Variants in GSAP observed in about 807,000 individuals in gnomAD.
GSAP encodes gamma-secretase activating protein, also known as gamma-secretase-activating protein.
GSAP carries 118 observed loss-of-function variants against 131.7 expected under a neutral mutation model. That is an observed-to-expected ratio of 0.90 (90% CI 0.77 to 1.04). GSAP has a LOEUF of 1.04. GSAP is among the 50% of genes least tolerant of loss of function. The pLI is 0.00. For synonymous variants in GSAP, 381 were observed against 363.4 expected, an observed-to-expected ratio of 1.05 and a Z score of -0.55; for missense variants, 1,019 against 1,013.2, an observed-to-expected ratio of 1.01 and a Z score of -0.08.
chr7:77,356,067 C>G (rs1393695027), intron 14 of GSAP, among the ~76,000 whole-genome samples: 3 of 151,660 alleles, frequency 2.0e-5, no homozygotes, highest in African/African-American at 2.4e-5. Context: ...GCTGGGATTA[C>G]AGGCATGTTG....
intron 12 of GSAP, among the ~76,000 whole-genome samples, chr7:77,365,898 G>GTTTTTTTTTTTTTTTTTTTTT (rs35007328): frequency 8.7e-6 from 1 of 115,586 alleles, no homozygotes; most frequent in South Asian, 2.7e-4. Flanking sequence ...GCAACTGTGG[G>GTTTTTTTTTTTTTTTTTTTTT]TTTTTTTTTT....
At chr7:77,380,224 A>G (rs1189759522) in intron 8 of GSAP, among the ~76,000 whole-genome samples, 4 of 152,218 alleles carry the variant, frequency 2.6e-5, no homozygotes, top group Admixed American at 6.5e-5. Context: ...GACTCATCCA[A>G]TTGGAAATTT....
rs538781802 is a variant in GSAP, at chr7:77,320,181, C to T, written c.2089+544G>A. Among the ~76,000 whole-genome samples, 145 of 152,284 alleles carry T rather than the reference C, an allele frequency of 9.5e-4. 2 individuals carry two copies. In the South Asian group the frequency reaches 0.028, roughly 29 times the overall value. The stretch of plus-strand genomic sequence containing the variant: ...TCTTTGTAATTGCTCTAATTTCTAG[C>T]ACGTTACCGGTCATGTCATAGTTGC... On this transcript the variant is annotated intron_variant, in intron 26 of 30. Transcript: ENST00000257626.
intron 5 of GSAP, 25 bp downstream of exon 5, chr7:77,396,957 G>A: frequency 2.2e-6 from 3 of 1,385,796 alleles, no homozygotes; most frequent in Non-Finnish European, 3.1e-6. Flanking sequence ...CTACCCATAG[G>A]TACTAAAAAG....
chr7:77,330,446 T>G, intron 19 of GSAP, 79 bp from the exon 20 acceptor site: 2 of 1,522,002 alleles, frequency 1.3e-6, no homozygotes, highest in Admixed American at 2.1e-5. Context: ...TACACAAGCC[T>G]TATTTCCCGA....
At chr7:77,341,752 G>T (rs551694804) in intron 19 of GSAP, among the ~76,000 whole-genome samples, 1 of 152,050 alleles carries the variant, frequency 6.6e-6, no homozygotes, top group African/African-American at 2.4e-5. Flanking sequence ...ATTAGATTCC[G>T]GCCCTCAAAC....
intron 19 of GSAP, among the ~76,000 whole-genome samples, chr7:77,348,922 T>TA (rs1704788634): frequency 6.6e-6 from 1 of 151,788 alleles, no homozygotes; most frequent in Admixed American, 6.5e-5. Flanking sequence ...TTAATGGTTT[T>TA]AAGACTGGAA....
intron 19 of GSAP, among the ~76,000 whole-genome samples, chr7:77,336,953 CAACT>C (rs1237089605): frequency 6.6e-6 from 1 of 152,128 alleles, no homozygotes; most frequent in Admixed American, 6.5e-5. Context: ...CCCACATAAC[CAACT>C]AACACTGCTA....
intron 5 of GSAP, among the ~76,000 whole-genome samples, chr7:77,395,189 T>C (rs1002974015): frequency 2.0e-5 from 3 of 152,178 alleles, no homozygotes; most frequent in African/African-American, 7.2e-5. Flanking sequence ...GTAAAAAATG[T>C]AGTTACTACT....
At chr7:77,350,643 T>C (rs1792721675) in intron 18 of GSAP, among the ~76,000 whole-genome samples, 1 of 151,438 alleles carries the variant, frequency 6.6e-6, no homozygotes, top group African/African-American at 2.4e-5. Context: ...CTCAGGAGGC[T>C]GAGGCAGGAC....
chr7:77,331,717 T>A (rs1411285749), intron 19 of GSAP: 1 of 151,962 alleles, frequency 6.6e-6, no homozygotes, highest in Non-Finnish European at 1.5e-5. Context: ...CCAGCCAACA[T>A]CCCTTCTCCC....
intron 10 of GSAP, among the ~76,000 whole-genome samples, chr7:77,375,863 CA>C (rs375259005): frequency 6.7e-6 from 1 of 148,346 alleles, no homozygotes. Context: ...AAAAAACAAA[CA>C]AAAAAACAAC....
rs1363327090 is a variant in GSAP at position 77,397,008 on chromosome 7, TC to T, written c.340del (p.Glu114LysfsTer14). 16 of 1,601,392 alleles carry T rather than the reference TC, an allele frequency of 1.0e-5. No homozygotes were observed. The highest frequency in any genetic ancestry group is 1.4e-5 in the Non-Finnish European group (16 of 1,171,224). On this transcript the variant is annotated frameshift_variant, in exon 5 of 31. Transcript: ENST00000257626. LOFTEE classifies it high-confidence loss of function. ...LAASLVQSTK[E>X]GKRNELQPGS... ...TGGTTGAAGTTCGTTCCTTTTTCCT[TC>T]TTTAGTAGACTGAACTAAACTTGCA... is the stretch of plus-strand genomic sequence containing the variant.
Position 77,399,504 on chromosome 7 carries a change from C to A in GSAP, c.244-2089G>T, listed in dbSNP as rs114405647. ...TCTCTTGTATCCAACCAGTTTAGGT[C>A]ATGTTCACTCTTGTATGCACTACCA... On this transcript the variant is annotated intron_variant, in intron 3 of 30. Coordinates refer to ENST00000257626, the MANE Select transcript of GSAP (RefSeq NM_017439.4). Among the ~76,000 whole-genome samples the A allele has an allele frequency of 4.3e-3, 659 of 152,276 alleles. 4 individuals carry two copies. The highest frequency in any genetic ancestry group is 0.015 in the African/African-American group (632 of 41,554).
chr7:77,411,844 C>T (rs1291953311), intron 1 of GSAP, among the ~76,000 whole-genome samples: 3 of 152,132 alleles, frequency 2.0e-5, no homozygotes, highest in Middle Eastern at 3.2e-3. Flanking sequence ...AGGGGACTTA[C>T]CCTACCAGTT....
rs550392655 is a variant in GSAP, at chr7:77,321,811, G to A, written c.1924-408C>T. Among the ~76,000 whole-genome samples the A allele has an allele frequency of 6.6e-5, 10 of 152,304 alleles. No homozygotes were observed. In the South Asian group the frequency reaches 1.7e-3, roughly 25 times the overall value. On this transcript the variant is annotated intron_variant, in intron 24 of 30. Coordinates refer to ENST00000257626, the MANE Select transcript of GSAP (RefSeq NM_017439.4). ...AATGGAGGTCATGATCATGAGCTGT[G>A]AAGTAAGACTGGTATCAAGTCCAGA...
intron 12 of GSAP, 67 bp downstream of exon 12, chr7:77,374,003 C>T: frequency 1.2e-6 from 1 of 856,444 alleles, no homozygotes; most frequent in Admixed American, 2.0e-5. Context: ...TATAGCTAAA[C>T]AATGAGTAAA....
chr7:77,351,884 G>C (rs1792912606), intron 18 of GSAP, among the ~76,000 whole-genome samples: 1 of 152,150 alleles, frequency 6.6e-6, no homozygotes. Flanking sequence ...CCTGACTCTG[G>C]GGTGGTGTAA....
intron 14 of GSAP, among the ~76,000 whole-genome samples, chr7:77,356,605 C>T (rs1333773627): frequency 6.6e-6 from 1 of 152,170 alleles, no homozygotes; most frequent in Admixed American, 6.5e-5. Flanking sequence ...TTCACACCTT[C>T]AGTCCCTGCA....
Sources: gnomAD v4.1 joint callset for allele counts (sites outside exome capture counted in the v4.1 genomes callset) on GRCh38, gnomAD v4.1.1 for gene constraint, MANE v1.5 for transcripts, NCBI Gene and HGNC (gene_info 2026-07-23, HGNC 2026-07-21) for gene names.